Variants in SPOCK1 observed in about 807,000 individuals in gnomAD.
The protein encoded by SPOCK1 is testican-1.
A neutral mutation model predicts 55.3 loss-of-function variants in SPOCK1; 23 were observed. That is an observed-to-expected ratio of 0.42 (90% CI 0.30 to 0.59). SPOCK1 has a LOEUF of 0.59. SPOCK1 is among the 20% of genes least tolerant of loss of function. SPOCK1 has a pLI of 0.22. For synonymous variants in SPOCK1, 226 were observed against 221.0 expected (o/e 1.02, Z -0.20); for missense variants, 499 against 552.5 (o/e 0.90, Z 0.97).
At chr5:137,173,337 C>T (rs907868331) in intron 3 of SPOCK1, among the ~76,000 whole-genome samples, 3 of 152,140 alleles carry the variant, frequency 2.0e-5, no homozygotes, top group Non-Finnish European at 2.9e-5. Flanking sequence ...GCTCATTGTC[C>T]TAGCCCCCTG....
intron 6 of SPOCK1, among the ~76,000 whole-genome samples, chr5:136,998,497 C>A (rs1231535361): frequency 3.3e-5 from 5 of 152,326 alleles, no homozygotes; most frequent in African/African-American, 1.2e-4. Flanking sequence ...TCCTGCTGGG[C>A]CATCCCCACG....
intron 2 of SPOCK1, among the ~76,000 whole-genome samples, chr5:137,351,075 T>G (rs897620059): frequency 1.8e-4 from 27 of 152,098 alleles, no homozygotes; most frequent in African/African-American, 6.3e-4. Flanking sequence ...AGAGAACAGT[T>G]ATAAAAACAA....
chr5:137,444,314 G>A (rs1753077614), intron 2 of SPOCK1, among the ~76,000 whole-genome samples: 1 of 152,094 alleles, frequency 6.6e-6, no homozygotes, highest in South Asian at 2.1e-4. Context: ...GAGCACCCTG[G>A]CTCCTCCACT....
chr5:137,316,551 C>T (rs1757883707), intron 2 of SPOCK1, among the ~76,000 whole-genome samples: 1 of 152,214 alleles, frequency 6.6e-6, no homozygotes, highest in Admixed American at 6.5e-5. Context: ...TGCTAGCTTC[C>T]AGGCCCACAA....
At chr5:137,363,093 T>C (rs1171760725) in intron 2 of SPOCK1, among the ~76,000 whole-genome samples, 1 of 152,214 alleles carries the variant, frequency 6.6e-6, no homozygotes, top group Non-Finnish European at 1.5e-5. Context: ...AGCACATCTT[T>C]GTGCCAGTAT....
intron 2 of SPOCK1, among the ~76,000 whole-genome samples, chr5:137,425,963 G>GAA (rs33927619): frequency 2.5e-4 from 27 of 108,920 alleles, no homozygotes; most frequent in South Asian, 9.5e-4. Context: ...GTACATTACA[G>GAA]AAAAAAAAAA....
intron 5 of SPOCK1, 38 bp from the exon 6 acceptor site, chr5:137,067,867 C>T (rs1752539842): frequency 2.0e-6 from 3 of 1,537,628 alleles, no homozygotes; most frequent in Non-Finnish European, 1.8e-6. Flanking sequence ...AAGAATGCAG[C>T]CATAACAGAC....
intron 4 of SPOCK1, among the ~76,000 whole-genome samples, chr5:137,140,330 G>T (rs1159733337): frequency 6.6e-6 from 1 of 152,198 alleles, no homozygotes; most frequent in East Asian, 1.9e-4. Flanking sequence ...CTGCTCATCT[G>T]TTCAGATCAG....
intron 6 of SPOCK1, among the ~76,000 whole-genome samples, chr5:137,017,568 AGGT>A (rs1392923847): frequency 1.4e-4 from 21 of 152,346 alleles, no homozygotes; most frequent in African/African-American, 5.0e-4. Context: ...GACGCTGAAA[AGGT>A]AATAACACAA....
At position 137,320,815 on chromosome 5, in the gene SPOCK1, G is replaced by A. The variant is rs138512953; in HGVS notation, c.187-53760C>T. On this transcript the variant is annotated intron_variant, in intron 2 of 10. Coordinates refer to ENST00000394945, the MANE Select transcript of SPOCK1 (RefSeq NM_004598.4). ...CATAAGGACTGGGGAAAGTGGTTGT[G>A]TTTTCAAATGTGCAAATCCCAACAC... 5.9e-5 allele frequency among the ~76,000 whole-genome samples: 9 copies of A among 152,282 alleles called. No homozygotes were observed. The East Asian group carries it at 1.7e-3, about 29-fold the overall frequency.
Position 137,456,073 on chromosome 5 carries a change from A to C in SPOCK1, c.186+42300T>G, listed in dbSNP as rs1753360710. ...AAAAAAGGAGGAGAAGGAAGAAAGA[A>C]GAAAAAGCAGGAGGAGGAGGAAAAG... is the stretch of plus-strand genomic sequence containing the variant. On this transcript the variant is annotated intron_variant, in intron 2 of 10. Transcript: ENST00000394945. 2.6e-5 allele frequency among the ~76,000 whole-genome samples: 4 copies of C among 152,082 alleles called. No individual in the cohort carries two copies. The South Asian group carries it at 8.3e-4, about 32-fold the overall frequency.
intron 4 of SPOCK1, among the ~76,000 whole-genome samples, chr5:137,122,240 T>TATAC (rs1554098638): frequency 7.5e-5 from 10 of 132,958 alleles, no homozygotes; most frequent in Admixed American, 5.2e-4. Context: ...AAAGCAGTTA[T>TATAC]ACACACACAC....
rs1325444485 is a variant in SPOCK1 at position 137,217,953 on chromosome 5, T to TAGAAATATAGA, written c.232+49056_232+49057insTCTATATTTCT. 7.3e-3 allele frequency among the ~76,000 whole-genome samples: 1,114 copies of TAGAAATATAGA among 152,310 alleles called. 15 individuals carry two copies. Among genetic ancestry groups the TAGAAATATAGA allele is most frequent in the African/African-American group, 0.025 (1,038 of 41,554 alleles). ...CTTACCCAACCTTACCGCATCTATA[T>TAGAAATATAGA]TTCTACATAGGTATAGATGGTTAGA... is the stretch of plus-strand genomic sequence containing the variant. On this transcript the variant is annotated intron_variant, in intron 3 of 10. Coordinates refer to ENST00000394945, the MANE Select transcript of SPOCK1 (RefSeq NM_004598.4).
At chr5:137,462,507 C>T (rs1753510613) in intron 2 of SPOCK1, among the ~76,000 whole-genome samples, 2 of 152,208 alleles carry the variant, frequency 1.3e-5, no homozygotes, top group South Asian at 4.1e-4. Context: ...CGTGGTCAGA[C>T]TGCCAGGCTT....
At chr5:137,455,177 T>C (rs145632642) in intron 2 of SPOCK1, among the ~76,000 whole-genome samples, 1 of 152,184 alleles carries the variant, frequency 6.6e-6, no homozygotes, top group Non-Finnish European at 1.5e-5. Context: ...CCATTTATCA[T>C]TGGGATAATA....
chr5:137,020,374 A>T (rs542183821), intron 6 of SPOCK1, among the ~76,000 whole-genome samples: 54 of 152,068 alleles, frequency 3.6e-4, no homozygotes, highest in Middle Eastern at 3.4e-3. Context: ...TTCAAAAAAG[A>T]CTACTGAAAA....
chr5:137,179,380 G>A (rs1174842582), intron 3 of SPOCK1, among the ~76,000 whole-genome samples: 2 of 152,130 alleles, frequency 1.3e-5, no homozygotes, highest in African/African-American at 4.8e-5. Context: ...AGGACATAAT[G>A]CTACCAATTA....
intron 3 of SPOCK1, among the ~76,000 whole-genome samples, chr5:137,219,939 A>G (rs1472509617): frequency 1.3e-5 from 2 of 152,158 alleles, no homozygotes; most frequent in Non-Finnish European, 2.9e-5. Flanking sequence ...ACCTTTCTAG[A>G]GCCATGGCCT....
intron 3 of SPOCK1, among the ~76,000 whole-genome samples, chr5:137,168,227 T>C (rs574432035): frequency 6.6e-6 from 1 of 152,194 alleles, no homozygotes; most frequent in East Asian, 1.9e-4. Context: ...GATTAAAGGC[T>C]TAAATCTAAT....
Sources: gnomAD v4.1 joint callset for allele counts (sites outside exome capture counted in the v4.1 genomes callset) on GRCh38, gnomAD v4.1.1 for gene constraint, MANE v1.5 for transcripts, NCBI Gene and HGNC (gene_info 2026-07-23, HGNC 2026-07-21) for gene names.